The following TRMT11 variants were observed in gnomAD, a reference collection of about 807,000 sequenced individuals.
TRMT11 encodes the protein tRNA (guanine(10)-N(2))-methyltransferase TRMT11.
TRMT11 carries 53 observed loss-of-function variants against 62.8 expected under a neutral mutation model. That is an observed-to-expected ratio of 0.84 (90% confidence interval 0.68 to 1.06). TRMT11 has a LOEUF of 1.06. Ranked by LOEUF, TRMT11 falls within the 50% of genes least tolerant of loss-of-function variation. The probability of loss-of-function intolerance (pLI) is 0.00; values close to 1 mark genes in which losing one functional copy is unlikely to be tolerated. For synonymous variants in TRMT11, 188 were observed against 190.3 expected (o/e 0.99, Z 0.10); for missense variants, 556 against 553.4 (o/e 1.00, Z -0.05).
intron 17 of TRMT11, among the ~76,000 whole-genome samples, chr6:126,074,109 G>A (rs560442901): frequency 1.4e-3 from 212 of 152,272 alleles, no homozygotes; most frequent in African/African-American, 4.9e-3. Context: ...GAGTGGGGGC[G>A]TAGCCAAACC....
chr6:126,140,281 A>T (rs192558786), intron 21 of TRMT11, among the ~76,000 whole-genome samples: 1 of 152,148 alleles, frequency 6.6e-6, no homozygotes, highest in East Asian at 1.9e-4. Context: ...ATTTGCTAAT[A>T]TGTAATTCAA....
At chr6:126,207,284 G>T (rs983516638), downstream of TRMT11, among the ~76,000 whole-genome samples, 3 of 152,166 alleles carry the variant, frequency 2.0e-5, no homozygotes, top group African/African-American at 7.2e-5. Context: ...TGAATATGAA[G>T]GGGTATTGTC....
rs140329042 is a variant in TRMT11 at position 125,986,563 on chromosome 6, T to G, written c.13T>G (p.Cys5Gly). 6.3e-7 allele frequency: 1 copy of G among 1,591,312 alleles called. No homozygotes were observed. Among genetic ancestry groups the G allele is most frequent in the Admixed American group, 1.8e-5 (1 of 56,438 alleles). MALS[C>G]TLNRYLLLMA... ...GTGGGCAGCTGCAATGGCGCTGTCG[T>G]GTACCCTTAACAGGTATCTGCTCCT... Residue 5 changes from cysteine to glycine, a missense_variant, in exon 1 of 13, where the codon TGT (cysteine) becomes GGT (glycine). By Grantham distance (159) the Cys-to-Gly change is radical (BLOSUM62 -3). Coordinates refer to ENST00000334379, the MANE Select transcript of TRMT11 (RefSeq NM_001031712.3).
intron 12 of TRMT11, among the ~76,000 whole-genome samples, chr6:126,027,543 T>C (rs1773414043): frequency 6.6e-6 from 1 of 152,206 alleles, no homozygotes; most frequent in Non-Finnish European, 1.5e-5. Flanking sequence ...CTTATATTCC[T>C]AGTGGTTTGA....
chr6:126,122,973 A>G (rs975677511), intron 21 of TRMT11, among the ~76,000 whole-genome samples: 5 of 152,152 alleles, frequency 3.3e-5, no homozygotes, highest in African/African-American at 1.2e-4. Flanking sequence ...ATTAAAGCAT[A>G]ACTTACTAAT....
At chr6:126,064,132 G>C (rs1776618287) in intron 17 of TRMT11, among the ~76,000 whole-genome samples, 1 of 152,098 alleles carries the variant, frequency 6.6e-6, no homozygotes, top group African/African-American at 2.4e-5. Flanking sequence ...GTGAGCACTG[G>C]GGGAGGGAGG....
At chr6:126,066,281 C>T (rs1258019680) in intron 17 of TRMT11, among the ~76,000 whole-genome samples, 2 of 152,148 alleles carry the variant, frequency 1.3e-5, no homozygotes, top group Non-Finnish European at 2.9e-5. Flanking sequence ...TTGGGTGTGG[C>T]CTTACATGGA....
chr6:126,040,268 C>G (rs898456257), downstream of TRMT11, among the ~76,000 whole-genome samples: 9 of 151,954 alleles, frequency 5.9e-5, no homozygotes, highest in African/African-American at 2.2e-4. Context: ...TTATCCAACA[C>G]TTAAAAAATA....
At chr6:126,048,792 C>G (rs1450805615) in intron 16 of TRMT11, among the ~76,000 whole-genome samples, 1 of 152,188 alleles carries the variant, frequency 6.6e-6, no homozygotes, top group African/African-American at 2.4e-5. Flanking sequence ...GTTGTCTCCA[C>G]TACTCCTGGC....
intron 21 of TRMT11, among the ~76,000 whole-genome samples, chr6:126,132,044 A>G (rs983268187): frequency 2.0e-5 from 3 of 152,074 alleles, no homozygotes; most frequent in Non-Finnish European, 4.4e-5. Context: ...TCTACCTTCA[A>G]TAGAGAGAGT....
At chr6:126,244,809 G>C in the TRMT11 span, among the ~76,000 whole-genome samples, 2 of 152,176 alleles carry the variant, frequency 1.3e-5, no homozygotes, top group Non-Finnish European at 2.9e-5. Flanking sequence ...TCCTTGACTA[G>C]TGGTTAAAAA....
intron 1 of TRMT11, among the ~76,000 whole-genome samples, chr6:126,180,056 G>A (rs2128240455): frequency 6.6e-6 from 1 of 152,092 alleles, no homozygotes; most frequent in Non-Finnish European, 1.5e-5. Flanking sequence ...AATAGAATAT[G>A]CTACGTGATA....
chr6:126,114,755 TAAC>T (rs1015343636), intron 19 of TRMT11, among the ~76,000 whole-genome samples: 2 of 152,102 alleles, frequency 1.3e-5, no homozygotes, highest in African/African-American at 4.8e-5. Flanking sequence ...TTTATTCACT[TAAC>T]AAATATTTTA....
In TRMT11 at chr6:126,093,631, A is replaced by ATTTTTTTTTTTTTTTTTT. The variant is rs145963759; in HGVS notation, c.*1438-19231_*1438-19230insTTTTTTTTTTTTTTTTTT. The stretch of plus-strand genomic sequence containing the variant: ...TATATATATATATATATATATATAT[A>ATTTTTTTTTTTTTTTTTT]TTTTCCCCCAGTCCTGGAGGATCAA... On this transcript the variant is annotated intron_variant and NMD_transcript_variant, in intron 17 of 22. Transcript: ENST00000648977. Among the ~76,000 whole-genome samples, 41 of 98,012 alleles carry ATTTTTTTTTTTTTTTTTT rather than the reference A, an allele frequency of 4.2e-4. 3 individuals carry two copies. The highest frequency in any genetic ancestry group is 1.8e-3 in the African/African-American group (41 of 22,924). The allele number at this position is 98,012 out of a possible 152,430, so 64.3% of individuals were successfully genotyped here. A position where few individuals can be genotyped will look rare whatever the true frequency, so the allele number is the denominator to read the frequency against.
intron 2 of TRMT11, among the ~76,000 whole-genome samples, chr6:125,994,491 G>A (rs1448883916): frequency 1.3e-5 from 2 of 151,512 alleles, no homozygotes; most frequent in Admixed American, 6.6e-5. Flanking sequence ...TTTTATTCAG[G>A]TTGCTTTAAA....
intron 21 of TRMT11, among the ~76,000 whole-genome samples, chr6:126,130,571 G>A (rs1777770490): frequency 1.9e-5 from 2 of 103,750 alleles, no homozygotes; most frequent in South Asian, 5.0e-4. Flanking sequence ...TTCCTTGTAT[G>A]TTTTACTGTT....
rs567690933 is a variant in TRMT11 at position 126,188,372 on chromosome 6, C to T, written n.144-10427C>T. On this transcript the variant is annotated intron_variant and non_coding_transcript_variant, in intron 1 of 3. Coordinates refer to the TRMT11 transcript ENST00000444229. The stretch of plus-strand genomic sequence containing the variant: ...ATAACTGAATGATAAAAATTAAACA[C>T]ATAAAAATGGATTCAACATCATAGT... Among the ~76,000 whole-genome samples the T allele has an allele frequency of 2.8e-4, 42 of 152,014 alleles. 1 individual carries two copies. Among genetic ancestry groups the T allele is most frequent in the African/African-American group, 9.9e-4 (41 of 41,542 alleles).
intron 16 of TRMT11, among the ~76,000 whole-genome samples, chr6:126,044,467 A>G (rs553101410): frequency 1.8e-4 from 27 of 152,270 alleles, no homozygotes; most frequent in South Asian, 2.1e-4. Context: ...GCCTTGTAGT[A>G]TAGTTTGAAG....
chr6:126,250,883 C>T, the TRMT11 span, among the ~76,000 whole-genome samples: 8 of 152,076 alleles, frequency 5.3e-5, no homozygotes, highest in Non-Finnish European at 1.2e-4. Context: ...AATTGATAAA[C>T]CATCTATCTT....
Sources: gnomAD v4.1 joint callset for allele counts (sites outside exome capture counted in the v4.1 genomes callset) on GRCh38, gnomAD v4.1.1 for gene constraint, MANE v1.5 for transcripts, NCBI Gene and HGNC (gene_info 2026-07-23, HGNC 2026-07-21) for gene names.